The following ZMIZ1 variants were observed in gnomAD, a reference collection of about 807,000 sequenced individuals.
The protein encoded by ZMIZ1 is zinc finger MIZ domain-containing protein 1.
ZMIZ1 carries 17 observed loss-of-function variants against 113.9 expected under a neutral mutation model. The ratio of observed to expected loss-of-function variants is 0.15; its 90% CI spans 0.10 to 0.22. The LOEUF (loss-of-function observed/expected upper bound fraction) is 0.22, where lower values mean the gene tolerates loss of function less well. Among genes scored for constraint, ZMIZ1 ranks in the 10% least tolerant of loss-of-function variants. The pLI is 1.00. For synonymous variants in ZMIZ1, 607 were observed against 603.1 expected, an observed-to-expected ratio of 1.01 and a Z score of -0.09; for missense variants, 1,059 against 1,477.8, an observed-to-expected ratio of 0.72 and a Z score of 4.65.
chr10:79,117,606 C>T (rs760498872), intron 1 of ZMIZ1, among the ~76,000 whole-genome samples: 4 of 152,234 alleles, frequency 2.6e-5, no homozygotes, highest in Non-Finnish European at 5.9e-5. Context: ...CACATGTCTT[C>T]TGGTGAACAT....
intron 7 of ZMIZ1, among the ~76,000 whole-genome samples, chr10:79,237,027 A>G (rs1849617642): frequency 6.6e-6 from 1 of 152,218 alleles, no homozygotes; most frequent in South Asian, 2.1e-4. Context: ...AGTTGTGGTC[A>G]GTGTGGTGGC....
chr10:79,278,561 T>C (rs1452428731), intron 8 of ZMIZ1, among the ~76,000 whole-genome samples: 2 of 151,600 alleles, frequency 1.3e-5, no homozygotes, highest in South Asian at 2.1e-4. Context: ...AGGTCTCTGG[T>C]TTTCCTAGGC....
At chr10:79,288,010 G>A (rs1853199486) in intron 8 of ZMIZ1, among the ~76,000 whole-genome samples, 1 of 152,220 alleles carries the variant, frequency 6.6e-6, no homozygotes, top group South Asian at 2.1e-4. Flanking sequence ...GAGGGCGGGG[G>A]AGGCCCCTCC....
chr10:79,282,461 C>G (rs1852799139), intron 8 of ZMIZ1, among the ~76,000 whole-genome samples: 1 of 152,156 alleles, frequency 6.6e-6, no homozygotes, highest in Non-Finnish European at 1.5e-5. Context: ...ACTTGCAGCC[C>G]CGCCCTGCCC....
At chr10:79,141,440 C>T (rs1845261927) in intron 3 of ZMIZ1, among the ~76,000 whole-genome samples, 1 of 151,700 alleles carries the variant, frequency 6.6e-6, no homozygotes, top group South Asian at 2.1e-4. Flanking sequence ...CTTTCACTAG[C>T]CAAGGAAAGC....
chr10:79,189,300 C>T (rs1397229017), intron 4 of ZMIZ1, among the ~76,000 whole-genome samples: 1 of 152,194 alleles, frequency 6.6e-6, no homozygotes, highest in Non-Finnish European at 1.5e-5. Flanking sequence ...GTATGGTTCC[C>T]AGAGGGCCTG....
At chr10:79,309,061 C>A (rs1459245789) in intron 23 of ZMIZ1, among the ~76,000 whole-genome samples, 1 of 152,146 alleles carries the variant, frequency 6.6e-6, no homozygotes, top group Non-Finnish European at 1.5e-5. Context: ...TGGGGCAGGG[C>A]AGTCACAGGT....
chr10:79,133,678 C>G (rs1412383355), intron 2 of ZMIZ1, among the ~76,000 whole-genome samples: 1 of 152,182 alleles, frequency 6.6e-6, no homozygotes, highest in Non-Finnish European at 1.5e-5. Context: ...ACCCCCCTCC[C>G]CCTTATTCCT....
At chr10:79,233,117 C>G (rs1488761083) in intron 7 of ZMIZ1, among the ~76,000 whole-genome samples, 1 of 152,164 alleles carries the variant, frequency 6.6e-6, no homozygotes, top group Non-Finnish European at 1.5e-5. Flanking sequence ...TGTCTGGGGC[C>G]CAAGGGGGGT....
chr10:79,145,826 C>T (rs1845458072), intron 3 of ZMIZ1, among the ~76,000 whole-genome samples: 1 of 152,192 alleles, frequency 6.6e-6, no homozygotes, highest in Non-Finnish European at 1.5e-5. Context: ...CCCACCTCAG[C>T]CTTCTGAATA....
At chr10:79,229,201 G>C (rs1849301025) in intron 7 of ZMIZ1, among the ~76,000 whole-genome samples, 1 of 152,202 alleles carries the variant, frequency 6.6e-6, no homozygotes, top group Non-Finnish European at 1.5e-5. Context: ...CAGGCAACCA[G>C]GTGTTTGTGT....
chr10:79,180,294 T>G (rs905973652), intron 4 of ZMIZ1, among the ~76,000 whole-genome samples: 1 of 152,064 alleles, frequency 6.6e-6, no homozygotes, highest in African/African-American at 2.4e-5. Flanking sequence ...TCACCCTCCT[T>G]AAAGAGGCTG....
chr10:79,209,990 C>G (rs975576041), intron 6 of ZMIZ1, among the ~76,000 whole-genome samples: 1 of 152,236 alleles, frequency 6.6e-6, no homozygotes, highest in African/African-American at 2.4e-5. Context: ...CGGGCCAAAT[C>G]GAGCAGCCAC....
chr10:79,174,122 C>T (rs1330410517), intron 4 of ZMIZ1, among the ~76,000 whole-genome samples: 1 of 152,226 alleles, frequency 6.6e-6, no homozygotes, highest in Non-Finnish European at 1.5e-5. Flanking sequence ...TTCCTCAGAT[C>T]CCACTGGGAT....
At position 79,123,237 on chromosome 10, in the gene ZMIZ1, G is replaced by A. The variant is rs117991692; in HGVS notation, c.-227+4213G>A. Among the ~76,000 whole-genome samples the A allele has an allele frequency of 1.9e-4, 29 of 152,346 alleles. No individual in the cohort carries two copies. In the East Asian group the frequency reaches 4.0e-3, roughly 21 times the overall value. On this transcript the variant is annotated intron_variant, in intron 2 of 24. Coordinates refer to ENST00000334512, the MANE Select transcript of ZMIZ1 (RefSeq NM_020338.4). ...CTCAAAACACTCTTGGTGGATGAGTGTGGAGGATGCTGGCAGATTGCGGCT... is the reference window on the plus strand; with the variant it reads ...CTCAAAACACTCTTGGTGGATGAGTATGGAGGATGCTGGCAGATTGCGGCT...
chr10:79,202,219 GAAAGAA>G (rs200816184), intron 5 of ZMIZ1, among the ~76,000 whole-genome samples: 2,987 of 101,878 alleles, frequency 0.029, 59 homozygotes, highest in South Asian at 0.061. Flanking sequence ...AAAAAAGAAA[GAAAGAA>G]AGAAGGAAGG....
At chr10:79,309,557 C>G (rs141979866) in intron 23 of ZMIZ1, among the ~76,000 whole-genome samples, 1 of 152,210 alleles carries the variant, frequency 6.6e-6, no homozygotes, top group Non-Finnish European at 1.5e-5. Context: ...ACTGGAAGGG[C>G]ACTGTGCTCC....
intron 1 of ZMIZ1, among the ~76,000 whole-genome samples, chr10:79,098,806 C>A (rs1041049383): frequency 3.3e-5 from 5 of 152,194 alleles, no homozygotes; most frequent in Admixed American, 2.6e-4. Context: ...GGCCCAGCAC[C>A]CTACCGAGGA....
At chr10:79,095,904 G>A (rs1026468313) in intron 1 of ZMIZ1, among the ~76,000 whole-genome samples, 4 of 152,218 alleles carry the variant, frequency 2.6e-5, no homozygotes, top group African/African-American at 7.2e-5. Flanking sequence ...TGTGTACTAC[G>A]TGTGGCCATC....
Sources: gnomAD v4.1 joint callset for allele counts (sites outside exome capture counted in the v4.1 genomes callset) on GRCh38, gnomAD v4.1.1 for gene constraint, MANE v1.5 for transcripts, NCBI Gene and HGNC (gene_info 2026-07-23, HGNC 2026-07-21) for gene names.